The following KCTD19 variants were observed in gnomAD, a reference collection of about 807,000 sequenced individuals.
KCTD19 encodes the protein potassium channel tetramerization domain containing 19, also known as BTB/POZ domain-containing protein KCTD19.
In KCTD19, 67 loss-of-function variants were observed where a neutral mutation model predicts 103.5. The ratio of observed to expected loss-of-function variants is 0.65; its 90% CI spans 0.53 to 0.79. The LOEUF is 0.79. Among genes scored for constraint, KCTD19 ranks in the 30% least tolerant of loss-of-function variants. The pLI, the probability that KCTD19 is intolerant of heterozygous loss-of-function variation, is 0.00. For missense variants in KCTD19, 980 were observed against 1,136.1 expected, an observed-to-expected ratio of 0.86 and a Z score of 1.98; for synonymous variants, 439 against 452.2, an observed-to-expected ratio of 0.97 and a Z score of 0.37.
In KCTD19 at chr16:67,320,723, T is replaced by A; in HGVS notation, c.166A>T (p.Ile56Phe). 6.2e-7 allele frequency: 1 copy of A among 1,614,190 alleles called. No homozygotes were observed. Among genetic ancestry groups the A allele is most frequent in the Non-Finnish European group, 8.5e-7 (1 of 1,180,034 alleles). Residue 56 changes from isoleucine to phenylalanine, a missense_variant, in exon 2 of 16, where the codon ATC becomes TTC. Ile to Phe is a conservative substitution (Grantham distance 21, BLOSUM62 0). Coordinates refer to ENST00000304372, the MANE Select transcript of KCTD19 (RefSeq NM_001100915.3). This position sits in a 1 kb window ranked among gnomAD's most constrained non-coding sequence, Gnocchi z 4.0. ...CTAAATGTGGAACCATCTCTGTCGA[T>A]AAATAGCCTCTGGCTTTCTGAAGAG... The part of the protein sequence containing the change: ...LTSSESQRLF[I>F]DRDGSTFRHV...
intron 1 of KCTD19, among the ~76,000 whole-genome samples, chr16:67,326,358 C>T (rs577029500): frequency 6.6e-6 from 1 of 152,218 alleles, no homozygotes; most frequent in South Asian, 2.1e-4. Context: ...CCCCACGCTC[C>T]AATCCTTCAG....
chr16:67,325,199 C>CTTTT lies in KCTD19; in HGVS notation c.3+1502_3+1505dup, dbSNP rs918808425. On this transcript the variant is annotated intron_variant, in intron 1 of 15. Transcript: ENST00000304372. ...CTTTCTTTCTTTTTTTTCTTTTTTTCTTTTTTTCTTTTTTTTTTTTTTTGA... is the reference window on the plus strand; with the variant it reads ...CTTTCTTTCTTTTTTTTCTTTTTTTCTTTTTTTTTTTCTTTTTTTTTTTTTTTGA... Among the ~76,000 whole-genome samples, 103 of 132,312 alleles carry CTTTT rather than the reference C, an allele frequency of 7.8e-4. 2 individuals are homozygous for CTTTT. Among genetic ancestry groups the CTTTT allele is most frequent in the South Asian group, 4.1e-3 (18 of 4,352 alleles). The allele number at this position is 132,312 out of a possible 152,430, so 86.8% of individuals were successfully genotyped here.
At chr16:67,313,681 C>T (rs1431568666) in intron 2 of KCTD19, among the ~76,000 whole-genome samples, 2 of 151,768 alleles carry the variant, frequency 1.3e-5, no homozygotes, top group African/African-American at 2.4e-5. Flanking sequence ...CTCCGCCTCC[C>T]GGGTTCAAGC....
chr16:67,304,616 A>C (rs1468383326), intron 2 of KCTD19, 45 bp from the exon 3 acceptor site: 1 of 1,525,404 alleles, frequency 6.6e-7, no homozygotes, highest in Admixed American at 1.7e-5. Flanking sequence ...TAAACCAAGT[A>C]ACTATGTACC....
intron 1 of KCTD19, among the ~76,000 whole-genome samples, chr16:67,324,246 A>T (rs1025503239): frequency 2.0e-5 from 3 of 152,254 alleles, no homozygotes; most frequent in African/African-American, 7.2e-5. Context: ...GAGAGCCATC[A>T]AACATACAAA....
At position 67,294,745 on chromosome 16, in the gene KCTD19, A is replaced by G. The variant is rs752601467; in HGVS notation, c.1476-51T>C. 3.0e-6 allele frequency: 4 copies of G among 1,323,438 alleles called. No individual in the cohort carries two copies. In the South Asian group the frequency reaches 3.5e-5, roughly 12 times the overall value. The allele number at this position is 1,323,438 out of a possible 1,614,324, so 82.0% of individuals were successfully genotyped here. On this transcript the variant is annotated intron_variant, in intron 10 of 15. Coordinates refer to ENST00000304372, the MANE Select transcript of KCTD19 (RefSeq NM_001100915.3). ...AGTGAGTAGAGACTTCCATCAGGCCATTGGCCAGTTGGTCAGATCTGCTCT... is the reference window on the plus strand; with the variant it reads ...AGTGAGTAGAGACTTCCATCAGGCCGTTGGCCAGTTGGTCAGATCTGCTCT...
At chr16:67,316,352 T>C (rs1160668420) in intron 2 of KCTD19, among the ~76,000 whole-genome samples, 1 of 152,172 alleles carries the variant, frequency 6.6e-6, no homozygotes, top group African/African-American at 2.4e-5. Context: ...GATCACTCAA[T>C]ACAGAAGTCA....
At position 67,303,257 on chromosome 16, in the gene KCTD19, G is replaced by A. The variant is rs1432935033; in HGVS notation, c.532C>T (p.Pro178Ser). 2 of 1,614,132 alleles carry A rather than the reference G, an allele frequency of 1.2e-6. No individual in the cohort carries two copies. Among genetic ancestry groups the A allele is most frequent in the Non-Finnish European group, 1.7e-6 (2 of 1,179,980 alleles). The change falls in exon 4 of 16, where the codon CCC becomes TCC. Residue 178 changes from proline (P) to serine (S), a missense_variant. By Grantham distance (74) the Pro-to-Ser change is moderately conservative (BLOSUM62 -1). Transcript: ENST00000304372. This position sits in a 1 kb window ranked among gnomAD's most constrained non-coding sequence, Gnocchi z 4.3. The part of the protein sequence containing the change: ...TEEEVHYCFL[P>S]LDLVAKYPSL... ...GGATATTTGGCCACCAGGTCTAGGG[G>A]CAGGAAGCAGTAGTGCACCTCCTCT...
At chr16:67,314,830 T>TATATATATAG (rs1430877802) in intron 2 of KCTD19, among the ~76,000 whole-genome samples, 1 of 33,648 alleles carries the variant, frequency 3.0e-5, no homozygotes, top group Non-Finnish European at 4.4e-5. Context: ...TATATATATA[T>TATATATATAG]AGAGAGAGAG....
At chr16:67,301,122 C>T (rs1399908605) in intron 5 of KCTD19, 1 of 152,396 alleles carries the variant, frequency 6.6e-6, no homozygotes, top group Non-Finnish European at 1.5e-5. Flanking sequence ...GTAGCTTGCG[C>T]CCTATAACAT....
chr16:67,311,448 G>T (rs938005373), intron 2 of KCTD19, among the ~76,000 whole-genome samples: 1 of 151,958 alleles, frequency 6.6e-6, no homozygotes, highest in African/African-American at 2.4e-5. Context: ...GATTACAGTT[G>T]CCTGCCACCA....
intron 6 of KCTD19, among the ~76,000 whole-genome samples, chr16:67,298,176 G>A (rs538386225): frequency 1.3e-4 from 20 of 152,032 alleles, no homozygotes; most frequent in African/African-American, 4.8e-4. Context: ...TGTATTTTTA[G>A]TAGAGACGGG....
intron 1 of KCTD19, among the ~76,000 whole-genome samples, chr16:67,325,183 T>TTTTTTTTC (rs570940428): frequency 2.1e-5 from 3 of 143,830 alleles, no homozygotes; most frequent in South Asian, 2.1e-4. Flanking sequence ...TCTTTCTTTC[T>TTTTTTTTC]TTTTTTTCTT....
intron 1 of KCTD19, 122 bp downstream of exon 1, chr16:67,326,583 C>G: frequency 7.3e-7 from 1 of 1,363,054 alleles, no homozygotes; most frequent in Non-Finnish European, 9.9e-7. Flanking sequence ...GGCTGGGGGC[C>G]CCTCGCTCTC....
intron 1 of KCTD19, among the ~76,000 whole-genome samples, chr16:67,324,255 A>G (rs72798027): frequency 1.6e-4 from 24 of 152,344 alleles, no homozygotes; most frequent in Non-Finnish European, 1.6e-4. Context: ...CAAACATACA[A>G]ACCATCCATA....
rs1280766309 is a variant in KCTD19 at position 67,308,523 on chromosome 16, T to G, written c.301-3952A>C. On this transcript the variant is annotated intron_variant, in intron 2 of 15. Transcript: ENST00000304372. ...CTTTATGTTTACACCCCATCATCAG[T>G]GACACTAAACTCCACAAAACTCCAA... 2.0e-5 allele frequency among the ~76,000 whole-genome samples: 3 copies of G among 152,092 alleles called. No homozygotes were observed. In the East Asian group the frequency reaches 5.8e-4, roughly 29 times the overall value.
Position 67,303,108 on chromosome 16 carries a change from C to CGGGGGGGGGGG in KCTD19, c.643+37_643+38insCCCCCCCCCCC. 2.5e-6 allele frequency: 2 copies of CGGGGGGGGGGG among 798,076 alleles called. No homozygotes were observed. The highest frequency in any genetic ancestry group is 4.2e-6 in the Non-Finnish European group (2 of 476,658). 49.4% of individuals were successfully genotyped at this position (798,076 alleles called of 1,614,324 possible). A position where few individuals can be genotyped will look rare whatever the true frequency, so the allele number is the denominator to read the frequency against. On this transcript the variant is annotated intron_variant, in intron 4 of 15. Coordinates refer to ENST00000304372, the MANE Select transcript of KCTD19 (RefSeq NM_001100915.3). This position sits in a 1 kb window ranked among gnomAD's most constrained non-coding sequence, Gnocchi z 4.3. ...ATGGGGAGGGGTGAATGGGCCCTAT[C>CGGGGGGGGGGG]AGCCCGCCCCCCACCCCACCCCGGA... is the stretch of plus-strand genomic sequence containing the variant.
At position 67,291,597 on chromosome 16, in the gene KCTD19, G is replaced by A. The variant is rs778600101; in HGVS notation, c.2410+49C>T. The A allele has an allele frequency of 1.5e-5, 23 of 1,582,470 alleles. No individual in the cohort carries two copies. The South Asian group carries it at 2.6e-4, about 18-fold the overall frequency. On this transcript the variant is annotated intron_variant, in intron 13 of 15. Transcript: ENST00000304372. ...CTGAAGTACCCTGGGAGGGGGCTCAGGCATCCTCACGAGGAGGCGCAGGGC... is the reference window on the plus strand; with the variant it reads ...CTGAAGTACCCTGGGAGGGGGCTCAAGCATCCTCACGAGGAGGCGCAGGGC...
Position 67,320,692 on chromosome 16 carries a change from A to C in KCTD19, c.197T>G (p.Val66Gly). Reference protein sequence around the residue: ...IDRDGSTFRHVHYYLYTSKLS... With the variant: ...IDRDGSTFRHGHYYLYTSKLS... ...TTTGGAGGTGTAGAGGTAATAGTGCACGTGCCTAAATGTGGAACCATCTCT... is the reference window on the plus strand; with the variant it reads ...TTTGGAGGTGTAGAGGTAATAGTGCCCGTGCCTAAATGTGGAACCATCTCT... The change falls in exon 2 of 16, where the codon GTG becomes GGG. Residue 66 changes from valine (V) to glycine (G), a missense_variant. By Grantham distance (109) the Val-to-Gly change is moderately radical. Transcript: ENST00000304372. The surrounding 1 kb of genome is among the most constrained non-coding windows in gnomAD (Gnocchi z 4.0). The C allele has an allele frequency of 2.5e-6, 4 of 1,614,168 alleles. No individual in the cohort carries two copies. Among genetic ancestry groups the C allele is most frequent in the Non-Finnish European group, 3.4e-6 (4 of 1,180,028 alleles).
Sources: allele counts gnomAD v4.1 joint callset (sites outside exome capture counted in the v4.1 genomes callset), GRCh38; gene constraint gnomAD v4.1.1; non-coding constraint Gnocchi (gnomAD v3.1); transcripts MANE v1.5; gene names NCBI Gene and HGNC (gene_info 2026-07-23, HGNC 2026-07-21).